Variants in ZFHX4 observed in about 807,000 individuals in gnomAD.
ZFHX4 encodes zinc finger homeobox protein 4.
Under a neutral mutation model 267.6 loss-of-function variants are expected in ZFHX4, and 56 were observed. The ratio of observed to expected loss-of-function variants is 0.21; its 90% CI spans 0.17 to 0.26. ZFHX4 has a LOEUF of 0.26. Among genes scored for constraint, ZFHX4 ranks in the 10% least tolerant of loss-of-function variants. The pLI is 1.00. For missense variants in ZFHX4, 4,332 were observed against 4,420.0 expected (o/e 0.98, Z 0.56); for synonymous variants, 1,778 against 1,665.6 (o/e 1.07, Z -1.64).
chr8:76,694,810 C>T (rs892375695), intron 1 of ZFHX4, among the ~76,000 whole-genome samples: 3 of 149,728 alleles, frequency 2.0e-5, no homozygotes, highest in Admixed American at 6.7e-5. Context: ...AAAATTTTTC[C>T]TCAGATTTTC....
intron 1 of ZFHX4, among the ~76,000 whole-genome samples, chr8:76,697,956 G>A (rs2131594022): frequency 6.6e-6 from 1 of 152,098 alleles, no homozygotes; most frequent in South Asian, 2.1e-4. Context: ...GGAAAAAAAA[G>A]TCAGTATATT....
chr8:76,766,954 C>G (rs1435387470), intron 3 of ZFHX4, among the ~76,000 whole-genome samples: 3 of 151,822 alleles, frequency 2.0e-5, no homozygotes, highest in Non-Finnish European at 4.4e-5. Context: ...GTTTTTTTCC[C>G]TAACACTCAG....
chr8:76,685,657 T>TC (rs754031900), intron 1 of ZFHX4, among the ~76,000 whole-genome samples: 3 of 152,402 alleles, frequency 2.0e-5, no homozygotes, highest in Non-Finnish European at 2.9e-5. Flanking sequence ...AGTGATTTGT[T>TC]CAGCTTTCTT....
chr8:76,703,460 G>C (rs1808156457), intron 1 of ZFHX4: 1 of 152,428 alleles, frequency 6.6e-6, no homozygotes, highest in East Asian at 1.9e-4. Context: ...TTTGCACAAG[G>C]AAGATTTGTA....
chr8:76,704,399 G>A lies in ZFHX4; in HGVS notation c.311G>A (p.Arg104His), dbSNP rs1403886577. The A allele has an allele frequency of 6.2e-7, 1 of 1,613,942 alleles. No homozygotes were observed. Among genetic ancestry groups the A allele is most frequent in the Admixed American group, 1.7e-5 (1 of 60,018 alleles). The change falls in exon 2 of 11, where the codon CGC becomes CAC. Residue 104 changes from arginine (R) to histidine (H), a missense_variant. Coordinates refer to ENST00000651372, the MANE Select transcript of ZFHX4 (RefSeq NM_024721.5). Reference protein sequence around the residue: ...KYMEHHCPNARLPVLKDDNES... With the variant: ...KYMEHHCPNAHLPVLKDDNES... Reference sequence around the variant, plus strand: ...ATGGAACACCACTGCCCTAATGCCCGCCTTCCTGTCCTGAAGGATGACAAC... The same window carrying A: ...ATGGAACACCACTGCCCTAATGCCCACCTTCCTGTCCTGAAGGATGACAAC...
chr8:76,708,013 A>G lies in ZFHX4; in HGVS notation c.3058A>G (p.Asn1020Asp). ...SVDKLRLHTT[N>D]HRHEAALKLY... ...GGATAAATTACGCTTGCATACCACC[A>G]ATCACAGGCACGAGGCGGCCCTGAA... Residue 1020 changes from asparagine (N) to aspartate (D), a missense_variant, in exon 3 of 11, where the codon AAT (asparagine) becomes GAT (aspartate). By Grantham distance (23) the Asn-to-Asp change is conservative. Around this residue, in one of 7 missense-constraint regions of ZFHX4, gnomAD observed 1,371 missense variants for 1,423.1 expected, o/e 0.96. Transcript: ENST00000651372. 1 of 1,613,900 alleles carries G rather than the reference A, an allele frequency of 6.2e-7. No individual in the cohort carries two copies. Among genetic ancestry groups the G allele is most frequent in the Non-Finnish European group, 8.5e-7 (1 of 1,179,888 alleles).
chr8:76,797,163 T>A (rs1462541238), intron 4 of ZFHX4, among the ~76,000 whole-genome samples: 1 of 152,006 alleles, frequency 6.6e-6, no homozygotes, highest in African/African-American at 2.4e-5. Flanking sequence ...GTTCTAGGAG[T>A]AGTATAGGTG....
intron 10 of ZFHX4, among the ~76,000 whole-genome samples, chr8:76,857,839 ATTTTTTT>A (rs5892569): frequency 7.0e-6 from 1 of 142,628 alleles, no homozygotes; most frequent in Non-Finnish European, 1.5e-5. Context: ...GCAATGACAG[ATTTTTTT>A]TTTTTTTTGC....
chr8:76,850,185 A>G, intron 8 of ZFHX4, 60 bp from the exon 9 acceptor site: 6 of 1,297,802 alleles, frequency 4.6e-6, no homozygotes, highest in Admixed American at 2.0e-5. Flanking sequence ...CAAAAGAGAG[A>G]TGTGATGGAA....
chr8:76,848,583 T>C (rs1812422944), intron 6 of ZFHX4, among the ~76,000 whole-genome samples: 1 of 152,190 alleles, frequency 6.6e-6, no homozygotes, highest in African/African-American at 2.4e-5. Flanking sequence ...TCTCAGAACG[T>C]TGAAATATTT....
chr8:76,845,517 T>G (rs1812342254), intron 6 of ZFHX4, among the ~76,000 whole-genome samples: 2 of 152,054 alleles, frequency 1.3e-5, no homozygotes. Flanking sequence ...TACTGGTAAT[T>G]ATAATTTATA....
intron 3 of ZFHX4, among the ~76,000 whole-genome samples, chr8:76,763,754 T>A (rs1239191834): frequency 6.6e-6 from 1 of 151,960 alleles, no homozygotes; most frequent in Non-Finnish European, 1.5e-5. Flanking sequence ...AAAGAAAAAA[T>A]GTGCTATAGG....
chr8:76,842,808 A>G (rs1458120751), intron 6 of ZFHX4, 37 bp downstream of exon 6: 12 of 1,440,928 alleles, frequency 8.3e-6, no homozygotes, highest in East Asian at 7.5e-5. Flanking sequence ...GCATTTCCCT[A>G]TACCCATTCC....
At chr8:76,842,544 A>C in intron 5 of ZFHX4, 111 bp from the exon 6 acceptor site, 96 of 638,650 alleles carry the variant, frequency 1.5e-4, no homozygotes, top group Non-Finnish European at 2.3e-4. Flanking sequence ...GAGTATGAAT[A>C]TCTGCAGATG....
At chr8:76,690,352 T>A (rs1424607686) in intron 1 of ZFHX4, among the ~76,000 whole-genome samples, 1 of 151,980 alleles carries the variant, frequency 6.6e-6, no homozygotes, top group Non-Finnish European at 1.5e-5. Context: ...TACAAAAACA[T>A]ATGAGCTGGT....
At chr8:76,860,043 T>C (rs1019361293) in intron 10 of ZFHX4, among the ~76,000 whole-genome samples, 1 of 152,214 alleles carries the variant, frequency 6.6e-6, no homozygotes, top group South Asian at 2.1e-4. Context: ...TTTAACAGTA[T>C]AACTAGATAA....
chr8:76,715,340 G>T (rs1332621167), intron 3 of ZFHX4, among the ~76,000 whole-genome samples: 3 of 151,826 alleles, frequency 2.0e-5, no homozygotes, highest in Non-Finnish European at 2.9e-5. Flanking sequence ...AAATTAGCCA[G>T]CAATGGTGGT....
intron 4 of ZFHX4, among the ~76,000 whole-genome samples, chr8:76,783,972 A>T (rs1344212847): frequency 2.6e-5 from 4 of 152,048 alleles, no homozygotes; most frequent in Non-Finnish European, 5.9e-5. Context: ...TGTGAAAATA[A>T]TATACAGAAG....
intron 4 of ZFHX4, among the ~76,000 whole-genome samples, chr8:76,828,914 T>C (rs1585986703): frequency 6.6e-6 from 1 of 152,250 alleles, no homozygotes; most frequent in East Asian, 1.9e-4. Context: ...TTTTATTTTA[T>C]GTGCTAAACA....
Sources: gnomAD v4.1 joint callset for allele counts (sites outside exome capture counted in the v4.1 genomes callset) on GRCh38, gnomAD v4.1.1 for gene constraint, gnomAD v4.1.1 regional missense constraint, MANE v1.5 for transcripts, NCBI Gene and HGNC (gene_info 2026-07-23, HGNC 2026-07-21) for gene names.